The following CDH23 variants were observed in gnomAD, a reference collection of about 807,000 sequenced individuals.
CDH23 encodes cadherin-23.
In CDH23, 189 loss-of-function variants were observed where a neutral mutation model predicts 317.1. The ratio of observed to expected loss-of-function variants is 0.60; its 90% CI spans 0.53 to 0.67. CDH23 has a LOEUF of 0.67. Among genes scored for constraint, CDH23 ranks in the 30% least tolerant of loss-of-function variants. The pLI, the probability that CDH23 is intolerant of heterozygous loss-of-function variation, is 0.00. For synonymous variants in CDH23, 1,839 were observed against 1,876.8 expected (o/e 0.98, Z 0.52); for missense variants, 4,401 against 4,592.4 (o/e 0.96, Z 1.20).
intron 33 of CDH23, 107 bp from the exon 34 acceptor site, chr10:71,734,549 C>T: frequency 3.1e-6 from 5 of 1,607,748 alleles, no homozygotes; most frequent in Non-Finnish European, 3.4e-6. Flanking sequence ...AGGGTGGCAC[C>T]TCCAGAGACA....
intron 50 of CDH23, 77 bp downstream of exon 50, chr10:71,798,655 C>A: frequency 8.8e-7 from 1 of 1,140,284 alleles, no homozygotes; most frequent in Non-Finnish European, 1.2e-6. Context: ...AGACCACAGC[C>A]CCTCTGTGGC....
At chr10:71,598,726 G>A (rs1423616884) in intron 9 of CDH23, among the ~76,000 whole-genome samples, 2 of 152,368 alleles carry the variant, frequency 1.3e-5, no homozygotes, top group East Asian at 1.9e-4. Context: ...TTTGGGTTGT[G>A]GAGCCTCCTC....
rs578086643 is a variant in CDH23 at position 71,701,494 on chromosome 10, G to T, written c.2398-528G>T. 5.3e-5 allele frequency among the ~76,000 whole-genome samples: 8 copies of T among 152,196 alleles called. No individual in the cohort carries two copies. The South Asian group carries it at 1.4e-3, about 28-fold the overall frequency. On this transcript the variant is annotated intron_variant, in intron 22 of 69. Transcript: ENST00000224721. ...GTGGGGAACCAGGCTGTAGGCCGGG[G>T]AGTTGAAGGGGCCAGAGTGTCTGAG...
At chr10:71,716,610 G>A (rs930081393) in intron 28 of CDH23, 19 of 380,792 alleles carry the variant, frequency 5.0e-5, no homozygotes, top group Admixed American at 2.5e-4. Flanking sequence ...ACAAGAGGGC[G>A]GTGGCCTGTC....
At chr10:71,407,509 G>A (rs979822066) in intron 1 of CDH23, among the ~76,000 whole-genome samples, 2 of 152,144 alleles carry the variant, frequency 1.3e-5, no homozygotes, top group Non-Finnish European at 2.9e-5. Flanking sequence ...TGTATGTCAG[G>A]GTCTCTGCAC....
At chr10:71,645,088 C>T (rs922405146) in intron 12 of CDH23, among the ~76,000 whole-genome samples, 17 of 152,232 alleles carry the variant, frequency 1.1e-4, no homozygotes, top group African/African-American at 4.1e-4. Context: ...CTGAGGGGCT[C>T]TGTGAGCCAC....
At chr10:71,551,982 G>A (rs1856621556) in intron 6 of CDH23, among the ~76,000 whole-genome samples, 1 of 152,242 alleles carries the variant, frequency 6.6e-6, no homozygotes, top group African/African-American at 2.4e-5. Context: ...CTCCTCAGGT[G>A]AGTGGACCTC....
chr10:71,484,192 T>C (rs1398066297), intron 3 of CDH23, among the ~76,000 whole-genome samples: 1 of 152,228 alleles, frequency 6.6e-6, no homozygotes. Context: ...CACGTCGTCC[T>C]CATTAATAAC....
intron 6 of CDH23, among the ~76,000 whole-genome samples, chr10:71,557,125 T>C (rs1377865186): frequency 6.6e-6 from 1 of 152,234 alleles, no homozygotes; most frequent in Non-Finnish European, 1.5e-5. Context: ...TTTCTCTTTT[T>C]AGCTAAAACA....
At chr10:71,746,615 G>C (rs1171412969) in intron 38 of CDH23, among the ~76,000 whole-genome samples, 1 of 152,200 alleles carries the variant, frequency 6.6e-6, no homozygotes, top group Non-Finnish European at 1.5e-5. Context: ...TGCAAAGGAA[G>C]AGCTGGGCCC....
At chr10:71,662,720 G>C (rs1863729456) in intron 14 of CDH23, among the ~76,000 whole-genome samples, 1 of 152,156 alleles carries the variant, frequency 6.6e-6, no homozygotes, top group African/African-American at 2.4e-5. Context: ...CCCAGAGAGG[G>C]CCCAAGTCCT....
chr10:71,405,037 C>T (rs1016558125), intron 1 of CDH23, among the ~76,000 whole-genome samples: 7 of 152,140 alleles, frequency 4.6e-5, no homozygotes, highest in Admixed American at 2.0e-4. Context: ...AGGGCAGCCG[C>T]GACTCTGTCT....
chr10:71,485,395 A>G (rs1852292974), intron 3 of CDH23, among the ~76,000 whole-genome samples: 1 of 152,206 alleles, frequency 6.6e-6, no homozygotes, highest in Admixed American at 6.5e-5. Flanking sequence ...TCAGGGAATG[A>G]ATGACACCAT....
chr10:71,768,296 G>A (rs1008592660), intron 38 of CDH23, among the ~76,000 whole-genome samples: 8 of 151,868 alleles, frequency 5.3e-5, no homozygotes, highest in Non-Finnish European at 1.0e-4. Context: ...TCAGCCTCCC[G>A]AGTAGCTGGG....
chr10:71,536,502 G>T (rs4747163), intron 6 of CDH23, among the ~76,000 whole-genome samples: 7,347 of 152,284 alleles, frequency 0.048, 231 homozygotes, highest in Non-Finnish European at 0.072. Flanking sequence ...TAGAGTGACG[G>T]CATGACACAA....
chr10:71,492,583 C>A (rs577501944), intron 3 of CDH23, among the ~76,000 whole-genome samples: 3 of 152,278 alleles, frequency 2.0e-5, no homozygotes, highest in African/African-American at 7.2e-5. Context: ...TTACAAGAAC[C>A]ACACTCCTGC....
chr10:71,784,859 T>C lies in CDH23; in HGVS notation c.5503-32T>C, dbSNP rs779513728. 11 of 1,584,838 alleles carry C rather than the reference T, an allele frequency of 6.9e-6. No individual in the cohort carries two copies. In the Admixed American group the frequency reaches 1.8e-4, roughly 26 times the overall value. ...CATGCACAACATCTGTCGCTCTTCC[T>C]CCCCTCCCTCCTCCTTCTCTGACTG... On this transcript the variant is annotated intron_variant, in intron 42 of 69. Transcript: ENST00000224721.
intron 6 of CDH23, among the ~76,000 whole-genome samples, chr10:71,514,675 A>G (rs1854179734): frequency 6.6e-6 from 1 of 152,096 alleles, no homozygotes; most frequent in South Asian, 2.1e-4. Flanking sequence ...TTCTCCATGT[A>G]ATTATCCATT....
chr10:71,479,852 T>C (rs1825173274), intron 3 of CDH23, among the ~76,000 whole-genome samples: 1 of 151,904 alleles, frequency 6.6e-6, no homozygotes, highest in African/African-American at 2.4e-5. Context: ...GGGACTGGAT[T>C]TAGGGGCTCG....
Sources: gnomAD v4.1 joint callset for allele counts (sites outside exome capture counted in the v4.1 genomes callset) on GRCh38, gnomAD v4.1.1 for gene constraint, MANE v1.5 for transcripts, NCBI Gene and HGNC (gene_info 2026-07-23, HGNC 2026-07-21) for gene names.